Variants in CFAP74 observed in about 807,000 individuals in gnomAD.
The protein encoded by CFAP74 is cilia- and flagella-associated protein 74.
Under a neutral mutation model 188.9 loss-of-function variants are expected in CFAP74, and 124 were observed. That is an observed-to-expected ratio of 0.66 (90% CI 0.57 to 0.76). CFAP74 has a LOEUF of 0.76. Among genes scored for constraint, CFAP74 ranks in the 30% least tolerant of loss-of-function variants. The probability of loss-of-function intolerance (pLI) is 0.00; values close to 1 mark genes in which losing one functional copy is unlikely to be tolerated. For synonymous variants in CFAP74, 956 were observed against 916.7 expected (o/e 1.04, Z -0.77); for missense variants, 2,198 against 2,165.2 (o/e 1.02, Z -0.30).
intron 5 of CFAP74, 110 bp from the exon 6 acceptor site, chr1:1,985,600 G>A (rs1657184807): frequency 1.4e-5 from 12 of 842,814 alleles, no homozygotes; most frequent in African/African-American, 5.0e-5. Flanking sequence ...GGGAAATCTC[G>A]GCACTGGGCC....
At chr1:1,996,936 GAAA>G (rs1171342444) in intron 1 of CFAP74, among the ~76,000 whole-genome samples, 2 of 117,046 alleles carry the variant, frequency 1.7e-5, no homozygotes, top group African/African-American at 6.4e-5. Flanking sequence ...AAAAAAAAAA[GAAA>G]AAAAAAAAGA....
At chr1:2,003,510 C>T (rs895629749) in intron 1 of CFAP74, among the ~76,000 whole-genome samples, 191 bp downstream of exon 1, 3 of 152,164 alleles carry the variant, frequency 2.0e-5, no homozygotes, top group Non-Finnish European at 4.4e-5. Context: ...GGGGCGGGTC[C>T]CTCAACAGAG....
chr1:1,943,404 G>A (rs968041077), intron 21 of CFAP74, among the ~76,000 whole-genome samples: 7 of 152,338 alleles, frequency 4.6e-5, no homozygotes, highest in South Asian at 2.1e-4. Flanking sequence ...GAGGACAGGC[G>A]CCGCGGGAGC....
chr1:1,995,153 CTGAAAAT>C (rs1657848486), intron 1 of CFAP74, among the ~76,000 whole-genome samples: 3 of 152,134 alleles, frequency 2.0e-5, no homozygotes, highest in African/African-American at 7.2e-5. Context: ...TGGCATCACA[CTGAAAAT>C]CATCAGAAAT....
intron 6 of CFAP74, among the ~76,000 whole-genome samples, chr1:1,974,656 C>G (rs1466873553): frequency 2.6e-5 from 4 of 152,218 alleles, no homozygotes; most frequent in Non-Finnish European, 4.4e-5. Flanking sequence ...GTCAGCCAGC[C>G]CTGCCCGGGG....
chr1:1,971,980 C>G lies in CFAP74; in HGVS notation c.888G>C (p.Arg296=), dbSNP rs778618656. 96 of 1,608,116 alleles carry G rather than the reference C, an allele frequency of 6.0e-5. No homozygotes were observed. In the East Asian group the frequency reaches 1.6e-3, roughly 27 times the overall value. The change falls in exon 9 of 39, where the codon CGG becomes CGC. Residue 296 remains arginine, a splice_region_variant and synonymous_variant. Coordinates refer to ENST00000682832, the MANE Select transcript of CFAP74 (RefSeq NM_001304360.2). ...GCTGGGTGGGGCTGCGGGGGCCTAC[C>G]CGGTTCGCGGAGATGCTGCCCTTCA... ...VALKGSISAN[R]DTLRKFQAWD...
intron 10 of CFAP74, among the ~76,000 whole-genome samples, 176 bp from the exon 11 acceptor site, chr1:1,969,009 C>T (rs1305052423): frequency 6.6e-6 from 1 of 151,394 alleles, no homozygotes; most frequent in Non-Finnish European, 1.5e-5. Context: ...CTGGGGACTC[C>T]ATCCTACCCA....
intron 9 of CFAP74, among the ~76,000 whole-genome samples, chr1:1,971,055 A>G (rs559775240): frequency 6.9e-6 from 1 of 144,212 alleles, no homozygotes; most frequent in African/African-American, 2.7e-5. Context: ...GTGCACACAC[A>G]TGCTCACACA....
At chr1:1,960,395 T>C (rs879147621) in intron 14 of CFAP74, among the ~76,000 whole-genome samples, 1 of 152,154 alleles carries the variant, frequency 6.6e-6, no homozygotes, top group Non-Finnish European at 1.5e-5. Flanking sequence ...AGGGCTTTGA[T>C]ACCAATATGG....
intron 34 of CFAP74, 128 bp from the exon 35 acceptor site, chr1:1,924,057 C>A: frequency 1.1e-6 from 1 of 917,264 alleles, no homozygotes; most frequent in South Asian, 1.8e-5. Flanking sequence ...CCCGGTCCCC[C>A]CAATGGCCTT....
chr1:1,953,831 A>G (rs1213546350), intron 18 of CFAP74: 1 of 152,974 alleles, frequency 6.5e-6, no homozygotes, highest in Non-Finnish European at 1.5e-5. Flanking sequence ...ACAAATTCCA[A>G]TAGAAATGAC....
intron 6 of CFAP74, among the ~76,000 whole-genome samples, chr1:1,982,280 TGGTCACAC>T (rs1558056432): frequency 0.13 from 15,195 of 117,572 alleles, 1,462 homozygotes; most frequent in Non-Finnish European, 0.15. Flanking sequence ...CACCCAGCCG[TGGTCACAC>T]GCGGGGACAC....
chr1:1,938,939 TCCAGGGGCAGGATCGTCCCAAAC>T lies in CFAP74; in HGVS notation c.2904_2926del (p.Phe969AsnfsTer25). ...GAAGATCACACAGAACTGCAGCGTT[TCCAGGGGCAGGATCGTCCCAAAC>T]CCATCGTTGGGTTGGACGTCCACAA... On this transcript the variant is annotated frameshift_variant, in exon 25 of 39. Transcript: ENST00000682832. LOFTEE classifies it high-confidence loss of function. 1 of 1,536,158 alleles carries T rather than the reference TCCAGGGGCAGGATCGTCCCAAAC, an allele frequency of 6.5e-7. No individual in the cohort carries two copies. Among genetic ancestry groups the T allele is most frequent in the Non-Finnish European group, 8.7e-7 (1 of 1,146,910 alleles).
At position 1,942,004 on chromosome 1, in the gene CFAP74, C is replaced by CG. The variant is rs1558006521; in HGVS notation, c.2615+23dup. 1 of 1,472,808 alleles carries CG rather than the reference C, an allele frequency of 6.8e-7. No individual in the cohort carries two copies. The highest frequency in any genetic ancestry group is 9.0e-7 in the Non-Finnish European group (1 of 1,115,312). 91.2% of individuals were successfully genotyped at this position (1,472,808 alleles called of 1,614,324 possible). On this transcript the variant is annotated intron_variant, in intron 22 of 38. Transcript: ENST00000682832. This position sits in a 1 kb window ranked among gnomAD's most constrained non-coding sequence, Gnocchi z 4.3. ...CACAACCTCCCACGTCCTCCTGTCC[C>CG]GGCCTTGGCGTCCTGGCACCTACCG... is the stretch of plus-strand genomic sequence containing the variant.
chr1:1,969,578 A>G (rs984447058), intron 10 of CFAP74, among the ~76,000 whole-genome samples: 1 of 152,076 alleles, frequency 6.6e-6, no homozygotes, highest in Non-Finnish European at 1.5e-5. Flanking sequence ...TGGGGCTGCC[A>G]CTGAGAGTAG....
intron 18 of CFAP74, among the ~76,000 whole-genome samples, chr1:1,948,072 C>T (rs1290319767): frequency 6.6e-6 from 1 of 151,946 alleles, no homozygotes; most frequent in Admixed American, 6.6e-5. Context: ...GGGGTTTCAC[C>T]ATATCGGCCA....
chr1:1,967,928 AGT>A (rs1655582710), intron 11 of CFAP74, among the ~76,000 whole-genome samples: 1 of 149,828 alleles, frequency 6.7e-6, no homozygotes, highest in Non-Finnish European at 1.5e-5. Context: ...TGAATGTGTG[AGT>A]GAATGAATGA....
chr1:1,960,190 C>T (rs1654982482), intron 14 of CFAP74, 160 bp from the exon 15 acceptor site: 3 of 629,640 alleles, frequency 4.8e-6, no homozygotes, highest in African/African-American at 2.0e-5. Flanking sequence ...GCTGGATCTG[C>T]TGCATTCCCT....
Position 1,968,924 on chromosome 1 carries a change from G to T in CFAP74, c.1047-91C>A, listed in dbSNP as rs1466043745. 7 of 1,129,008 alleles carry T rather than the reference G, an allele frequency of 6.2e-6. No homozygotes were observed. The highest frequency in any genetic ancestry group is 9.0e-6 in the Non-Finnish European group (7 of 776,886). 69.9% of individuals were successfully genotyped at this position (1,129,008 alleles called of 1,614,324 possible). On this transcript the variant is annotated intron_variant, in intron 10 of 38. Coordinates refer to ENST00000682832, the MANE Select transcript of CFAP74 (RefSeq NM_001304360.2). This position sits in a 1 kb window ranked among gnomAD's most constrained non-coding sequence, Gnocchi z 4.3. ...CAGTGCCCGGCGGCCCCTCCCTAGC[G>T]CCCTCCTGGGGGCTCCGGTCCTGCC...
Sources: gnomAD v4.1 joint callset for allele counts (sites outside exome capture counted in the v4.1 genomes callset) on GRCh38, gnomAD v4.1.1 for gene constraint, Gnocchi (gnomAD v3.1) non-coding constraint, MANE v1.5 for transcripts, NCBI Gene and HGNC (gene_info 2026-07-23, HGNC 2026-07-21) for gene names.